Variants in RPAP2 observed in about 807,000 individuals in gnomAD.
RPAP2 encodes putative RNA polymerase II subunit B1 CTD phosphatase RPAP2.
RPAP2 carries 52 observed loss-of-function variants against 73.1 expected under a neutral mutation model. The observed-to-expected ratio is 0.71, with a 90% CI of 0.57 to 0.90. The LOEUF is 0.90. Ranked by LOEUF, RPAP2 falls within the 40% of genes least tolerant of loss-of-function variation. RPAP2 has a pLI of 0.00. For synonymous variants in RPAP2, 225 were observed against 242.1 expected (o/e 0.93, Z 0.65); for missense variants, 598 against 701.8 (o/e 0.85, Z 1.67).
At chr1:92,380,897 T>C in intron 12 of RPAP2, 24 bp downstream of exon 12, 2 of 1,533,636 alleles carry the variant, frequency 1.3e-6, no homozygotes, top group Non-Finnish European at 1.7e-6. Context: ...TGTTTTATTT[T>C]GGTTTTTATT....
chr1:92,391,523 A>T lies in RPAP2; in HGVS notation c.*4512A>T, dbSNP rs1486852611. 1 of 152,236 alleles carries T rather than the reference A, an allele frequency of 6.6e-6. No homozygotes were observed. Among genetic ancestry groups the T allele is most frequent in the African/African-American group, 2.4e-5 (1 of 41,462 alleles). 9.4% of individuals were successfully genotyped at this position (152,236 alleles called of 1,614,324 possible). ...CAAAAGCTAGCAGAAGGCAAGAAATAACTAAGATCAGAGCAGAACTGAAGG... is the reference window on the plus strand; with the variant it reads ...CAAAAGCTAGCAGAAGGCAAGAAATTACTAAGATCAGAGCAGAACTGAAGG... On this transcript the variant is annotated 3_prime_UTR_variant, in exon 13 of 13. Coordinates refer to ENST00000610020, the MANE Select transcript of RPAP2 (RefSeq NM_024813.3).
At chr1:92,307,310 A>G in intron 6 of RPAP2, 34 bp downstream of exon 6, 1 of 1,356,876 alleles carries the variant, frequency 7.4e-7, no homozygotes, top group South Asian at 1.3e-5. Context: ...ACATTTGTTC[A>G]TATATTCTAA....
At chr1:92,339,691 A>G (rs1653495693) in intron 10 of RPAP2, among the ~76,000 whole-genome samples, 1 of 151,952 alleles carries the variant, frequency 6.6e-6, no homozygotes, top group African/African-American at 2.4e-5. Context: ...AGTAGTGACT[A>G]ATTTGTGTTT....
At position 92,310,181 on chromosome 1, in the gene RPAP2, G is replaced by A. The variant is rs72958790; in HGVS notation, c.488+2905G>A. 2.7e-3 allele frequency among the ~76,000 whole-genome samples: 411 copies of A among 152,200 alleles called. 1 individual carries two copies. The highest frequency in any genetic ancestry group is 8.9e-3 in the African/African-American group (369 of 41,530). Reference sequence around the variant, plus strand: ...TTAATTATATATAACACTTGTCAGTGTATAACCATATCAGTATCTTTTATA... The same window carrying A: ...TTAATTATATATAACACTTGTCAGTATATAACCATATCAGTATCTTTTATA... On this transcript the variant is annotated intron_variant, in intron 6 of 12. Transcript: ENST00000610020.
rs1656053324 is a variant in RPAP2 at position 92,391,939 on chromosome 1, A to G, written c.*4928A>G. ...CCAGGACCAGACGGATTCACAGCCA[A>G]ATTCTACGAAAGGTACAAAGAGGTG... is the stretch of plus-strand genomic sequence containing the variant. On this transcript the variant is annotated 3_prime_UTR_variant, in exon 13 of 13. Transcript: ENST00000610020. The G allele has an allele frequency of 6.6e-6, 1 of 152,220 alleles. No individual in the cohort carries two copies. The highest frequency in any genetic ancestry group is 1.5e-5 in the Non-Finnish European group (1 of 68,044). The allele number at this position is 152,220 out of a possible 1,614,324, so 9.4% of individuals were successfully genotyped here.
Position 92,387,018 on chromosome 1 carries a change from C to T in RPAP2, c.*7C>T, listed in dbSNP as rs754421369. On this transcript the variant is annotated 3_prime_UTR_variant, in exon 13 of 13. Transcript: ENST00000610020. The stretch of plus-strand genomic sequence containing the variant: ...TCCTTTTTTGCTTCACAGATATATT[C>T]CATGAAGACAAAATAGAAGATGAAC... The T allele has an allele frequency of 6.3e-7, 1 of 1,588,980 alleles. No individual in the cohort carries two copies. The highest frequency in any genetic ancestry group is 8.6e-7 in the Non-Finnish European group (1 of 1,163,220).
At chr1:92,315,111 C>CAA (rs752090057) in intron 6 of RPAP2, among the ~76,000 whole-genome samples, 3 of 135,870 alleles carry the variant, frequency 2.2e-5, no homozygotes, top group Non-Finnish European at 3.2e-5. Context: ...GTTGCAGTCT[C>CAA]AAAAAAAAAA....
intron 7 of RPAP2, among the ~76,000 whole-genome samples, chr1:92,323,012 T>C (rs1002024597): frequency 7.5e-5 from 11 of 147,070 alleles, no homozygotes; most frequent in African/African-American, 2.7e-4. Context: ...CATATAAATA[T>C]ATACTTTATA....
At chr1:92,362,527 G>C (rs1187459962) in intron 11 of RPAP2, among the ~76,000 whole-genome samples, 1 of 152,114 alleles carries the variant, frequency 6.6e-6, no homozygotes, top group East Asian at 1.9e-4. Flanking sequence ...TGTCATTTTA[G>C]TACAGCTCAA....
chr1:92,368,295 C>T (rs187808865), intron 11 of RPAP2, among the ~76,000 whole-genome samples: 92 of 152,250 alleles, frequency 6.0e-4, no homozygotes, highest in Non-Finnish European at 7.5e-4. Flanking sequence ...AGGAGAATCG[C>T]CTGAACCCAG....
rs1377855725 is a variant in RPAP2, at chr1:92,388,028, G to T, written c.*1017G>T. 5 of 152,126 alleles carry T rather than the reference G, an allele frequency of 3.3e-5. No homozygotes were observed. Among genetic ancestry groups the T allele is most frequent in the African/African-American group, 1.2e-4 (5 of 41,432 alleles). 9.4% of individuals were successfully genotyped at this position (152,126 alleles called of 1,614,324 possible). ...TTTTTAACCTCATTTGATTGTGTAA[G>T]GGTCTAACCACAACAAAAAATCATA... On this transcript the variant is annotated 3_prime_UTR_variant, in exon 13 of 13. Coordinates refer to ENST00000610020, the MANE Select transcript of RPAP2 (RefSeq NM_024813.3).
chr1:92,384,367 TA>T (rs1401924813), intron 12 of RPAP2, among the ~76,000 whole-genome samples: 4 of 151,420 alleles, frequency 2.6e-5, no homozygotes, highest in Non-Finnish European at 4.4e-5. Flanking sequence ...CTAATGCCTG[TA>T]ATCCCAGCAC....
At chr1:92,327,780 A>G (rs1187415327) in intron 8 of RPAP2, among the ~76,000 whole-genome samples, 3 of 150,984 alleles carry the variant, frequency 2.0e-5, no homozygotes, top group African/African-American at 4.9e-5. Flanking sequence ...AAGAGATTCT[A>G]TTTTGGTATT....
chr1:92,349,916 T>C (rs1406301529), intron 11 of RPAP2, among the ~76,000 whole-genome samples: 1 of 152,106 alleles, frequency 6.6e-6, no homozygotes, highest in African/African-American at 2.4e-5. Context: ...AACAGAGCAA[T>C]ACCTTATCTC....
At position 92,396,451 on chromosome 1, in the gene RPAP2, G is replaced by C. The variant is rs1443282748; in HGVS notation, c.*9440G>C. On this transcript the variant is annotated 3_prime_UTR_variant, in exon 13 of 13. Coordinates refer to ENST00000610020, the MANE Select transcript of RPAP2 (RefSeq NM_024813.3). ...TCTCAAAACATTATGCTTAGTGAAAGAAGTCTGATGCAATATCCCACATAT... is the reference window on the plus strand; with the variant it reads ...TCTCAAAACATTATGCTTAGTGAAACAAGTCTGATGCAATATCCCACATAT... 6.6e-6 allele frequency: 1 copy of C among 152,004 alleles called. No homozygotes were observed. The highest frequency in any genetic ancestry group is 1.5e-5 in the Non-Finnish European group (1 of 68,018). The allele number at this position is 152,004 out of a possible 1,614,324, so 9.4% of individuals were successfully genotyped here. A position where few individuals can be genotyped will look rare whatever the true frequency, so the allele number is the denominator to read the frequency against.
intron 8 of RPAP2, among the ~76,000 whole-genome samples, chr1:92,327,017 T>C (rs1375107540): frequency 2.0e-5 from 3 of 152,264 alleles, no homozygotes; most frequent in Admixed American, 6.5e-5. Context: ...TGGCCTATCA[T>C]ATGGTCTATC....
chr1:92,336,514 T>C, intron 10 of RPAP2, 87 bp downstream of exon 10: 1 of 851,098 alleles, frequency 1.2e-6, no homozygotes, highest in South Asian at 1.5e-5. Context: ...AGAAAGTAAG[T>C]GACTTACCTT....
At chr1:92,357,152 A>G (rs1477640259) in intron 11 of RPAP2, among the ~76,000 whole-genome samples, 1 of 152,038 alleles carries the variant, frequency 6.6e-6, no homozygotes, top group East Asian at 1.9e-4. Flanking sequence ...TGCTATGAGT[A>G]AGACTGTGTC....
chr1:92,341,048 A>G (rs1653563080), intron 10 of RPAP2, among the ~76,000 whole-genome samples: 1 of 152,096 alleles, frequency 6.6e-6, no homozygotes, highest in Non-Finnish European at 1.5e-5. Context: ...TCACTCTGTC[A>G]CCCAGGTTGG....
Sources: gnomAD v4.1 joint callset for allele counts (sites outside exome capture counted in the v4.1 genomes callset) on GRCh38, gnomAD v4.1.1 for gene constraint, MANE v1.5 for transcripts, NCBI Gene and HGNC (gene_info 2026-07-23, HGNC 2026-07-21) for gene names.